Variants in ZC4H2 observed in about 807,000 individuals in gnomAD.
ZC4H2 encodes zinc finger C4H2-type containing.
For synonymous variants in ZC4H2, 84 were observed against 66.3 expected (o/e 1.27, Z -1.30); for missense variants, 137 against 173.9 (o/e 0.79, Z 1.19).
At chrX:64,921,731 T>A (rs1929203456) in intron 2 of ZC4H2, 86 bp downstream of exon 2, 7 of 1,057,418 alleles carry the variant, frequency 6.6e-6, no homozygotes, top group Non-Finnish European at 7.6e-6. Flanking sequence ...GAGCTAGGCC[T>A]AAGCCACATC....
intron 1 of ZC4H2, among the ~76,000 whole-genome samples, chrX:64,998,762 C>T (rs6524950): frequency 0.24 from 26,589 of 110,089 alleles, 7,704 homozygotes; most frequent in African/African-American, 0.83. Context: ...ATTTTATCAG[C>T]TTTTACTTCA....
Position 64,976,363 on chromosome X carries a change from T to C in ZC4H2, c.15A>G (p.Gln5=). The change falls in exon 1 of 5, where the codon CAA becomes CAG. Residue 5 remains glutamine, a synonymous_variant. Transcript: ENST00000374839. Reference sequence around the variant, plus strand: ...TGCTTTCCAATTTGCACATGATTTCTTGCTCATCTGCCATACTTTTCACTG... The same window carrying C: ...TGCTTTCCAATTTGCACATGATTTCCTGCTCATCTGCCATACTTTTCACTG... MADE[Q]EIMCKLESIK... The C allele has an allele frequency of 8.3e-7, 1 of 1,211,898 alleles. No homozygotes were observed. Among genetic ancestry groups the C allele is most frequent in the South Asian group, 1.8e-5 (1 of 56,990 alleles).
chrX:65,002,354 G>A (rs1932555600), intron 1 of ZC4H2, among the ~76,000 whole-genome samples: 1 of 107,212 alleles, frequency 9.3e-6, no homozygotes, highest in Non-Finnish European at 2.0e-5. Flanking sequence ...GGGAGGCAGG[G>A]GGTCAGCCCC....
intron 1 of ZC4H2, among the ~76,000 whole-genome samples, chrX:64,992,249 A>G (rs1401730193): frequency 8.9e-6 from 1 of 111,882 alleles, no homozygotes; most frequent in Admixed American, 9.5e-5. Flanking sequence ...AAGACCTTTC[A>G]TAAATGAGAC....
chrX:64,984,090 C>T (rs1932134311), intron 1 of ZC4H2, among the ~76,000 whole-genome samples: 1 of 111,531 alleles, frequency 9.0e-6, no homozygotes. Context: ...ACCTCCCTCC[C>T]ATCCTCCATG....
intron 1 of ZC4H2, among the ~76,000 whole-genome samples, chrX:64,989,576 T>C (rs769480590): frequency 4.5e-5 from 5 of 111,887 alleles, no homozygotes; most frequent in African/African-American, 1.6e-4. Flanking sequence ...TTTTTCTATG[T>C]GAAAGAAGAT....
chrX:65,016,579 G>A (rs925926967), intron 1 of ZC4H2, among the ~76,000 whole-genome samples: 3 of 111,725 alleles, frequency 2.7e-5, no homozygotes, highest in East Asian at 5.6e-4. Flanking sequence ...AAGATGAATC[G>A]TATTGGGAAT....
chrX:64,932,862 T>C (rs1426913486), intron 1 of ZC4H2, among the ~76,000 whole-genome samples: 2 of 111,530 alleles, frequency 1.8e-5, no homozygotes, highest in Non-Finnish European at 3.8e-5. Flanking sequence ...GGAATGAATT[T>C]CCCAGGAGTT....
intron 1 of ZC4H2, among the ~76,000 whole-genome samples, chrX:64,991,117 G>T (rs1430457799): frequency 9.0e-6 from 1 of 111,668 alleles, no homozygotes; most frequent in Non-Finnish European, 1.9e-5. Context: ...TGCAAAAATG[G>T]GAAAATAATA....
chrX:64,950,808 T>C (rs1930777436), intron 1 of ZC4H2, among the ~76,000 whole-genome samples: 1 of 110,065 alleles, frequency 9.1e-6, no homozygotes, highest in African/African-American at 3.3e-5. Context: ...TTATTTTTGA[T>C]TATTATTATT....
intron 1 of ZC4H2, among the ~76,000 whole-genome samples, chrX:65,011,928 A>T (rs1447668173): frequency 9.1e-6 from 1 of 109,427 alleles, no homozygotes; most frequent in African/African-American, 3.3e-5. Flanking sequence ...GTTGGCCAGG[A>T]TGGTCTCGAT....
intron 1 of ZC4H2, among the ~76,000 whole-genome samples, chrX:64,957,508 G>GT (rs1257366657): frequency 9.0e-6 from 1 of 111,662 alleles, no homozygotes; most frequent in Non-Finnish European, 1.9e-5. Flanking sequence ...TTTCATAAGC[G>GT]TTTTTTCTAT....
intron 1 of ZC4H2, among the ~76,000 whole-genome samples, chrX:64,925,432 A>T (rs955119194): frequency 8.0e-5 from 9 of 112,224 alleles, no homozygotes; most frequent in Admixed American, 4.7e-4. Flanking sequence ...TATATTAGCT[A>T]AAGCCACATA....
intron 1 of ZC4H2, among the ~76,000 whole-genome samples, chrX:64,928,354 T>C (rs1194850461): frequency 8.9e-6 from 1 of 112,170 alleles, no homozygotes; most frequent in East Asian, 2.8e-4. Flanking sequence ...TAGCCAGTTT[T>C]CCCAACACCA....
At chrX:64,952,279 T>C (rs1490097156) in intron 1 of ZC4H2, among the ~76,000 whole-genome samples, 2 of 109,595 alleles carry the variant, frequency 1.8e-5, no homozygotes, top group Non-Finnish European at 3.8e-5. Flanking sequence ...GACTTGGCAA[T>C]GCAGGCTCTT....
At chrX:65,030,102 CTCTT>C (rs1365705518) in intron 1 of ZC4H2, among the ~76,000 whole-genome samples, 1 of 111,482 alleles carries the variant, frequency 9.0e-6, no homozygotes, top group Admixed American at 9.5e-5. Flanking sequence ...ATTCTGGAGA[CTCTT>C]TATTTTTTTA....
chrX:64,992,602 C>T (rs956562805), intron 1 of ZC4H2, among the ~76,000 whole-genome samples: 51 of 111,376 alleles, frequency 4.6e-4, no homozygotes, highest in African/African-American at 1.5e-3. Context: ...CATGTTGGTA[C>T]GTCATTCCCT....
intron 1 of ZC4H2, among the ~76,000 whole-genome samples, chrX:65,028,529 T>C (rs1932902951): frequency 9.5e-6 from 1 of 105,644 alleles, no homozygotes. Flanking sequence ...AGGGTCTCCC[T>C]TTGGGGATTT....
intron 1 of ZC4H2, among the ~76,000 whole-genome samples, chrX:65,027,989 A>T (rs1163090564): frequency 8.9e-6 from 1 of 112,097 alleles, no homozygotes; most frequent in Non-Finnish European, 1.9e-5. Flanking sequence ...CTATTCCAAG[A>T]GGCAGATAAA....
Sources: gnomAD v4.1 joint callset for allele counts (sites outside exome capture counted in the v4.1 genomes callset) on GRCh38, gnomAD v4.1.1 for gene constraint, MANE v1.5 for transcripts, NCBI Gene and HGNC (gene_info 2026-07-23, HGNC 2026-07-21) for gene names.